Variants in DIS3L observed in about 807,000 individuals in gnomAD.
DIS3L encodes DIS3-like exonuclease 1.
A neutral mutation model predicts 120.3 loss-of-function variants in DIS3L; 100 were observed. That is an observed-to-expected ratio of 0.83 (90% CI 0.71 to 0.98). DIS3L has a LOEUF of 0.98. Ranked by LOEUF, DIS3L falls within the 50% of genes least tolerant of loss-of-function variation. DIS3L has a pLI of 0.00. For missense variants in DIS3L, 1,196 were observed against 1,314.2 expected (o/e 0.91, Z 1.39); for synonymous variants, 426 against 470.6 (o/e 0.91, Z 1.23).
intron 12 of DIS3L, among the ~76,000 whole-genome samples, chr15:66,327,960 G>A (rs1159710330): frequency 2.0e-5 from 3 of 152,156 alleles, no homozygotes; most frequent in East Asian, 1.9e-4. Context: ...GCTGAGGTGC[G>A]AGAATCGCTT....
chr15:66,294,357 C>T (rs2092561717), intron 1 of DIS3L: 3 of 985,506 alleles, frequency 3.0e-6, no homozygotes, highest in Non-Finnish European at 3.6e-6. Flanking sequence ...GAACGATGCA[C>T]GTTACTGGCT....
chr15:66,303,591 T>A (rs1278013630), intron 2 of DIS3L, among the ~76,000 whole-genome samples: 3 of 152,154 alleles, frequency 2.0e-5, no homozygotes, highest in Non-Finnish European at 4.4e-5. Flanking sequence ...CAAAATATGA[T>A]GGTAGGTAAA....
intron 11 of DIS3L, among the ~76,000 whole-genome samples, chr15:66,324,024 A>C (rs1163691710): frequency 6.6e-6 from 1 of 152,182 alleles, no homozygotes; most frequent in South Asian, 2.1e-4. Flanking sequence ...GCCCGAACTC[A>C]TATGTCCCAA....
chr15:66,315,240 G>A (rs577974782), intron 7 of DIS3L, 25 bp downstream of exon 7: 45 of 1,557,392 alleles, frequency 2.9e-5, no homozygotes, highest in African/African-American at 2.0e-4. Flanking sequence ...GAGCCACTCC[G>A]ATGTCCATTT....
At chr15:66,313,521 G>A (rs2092783719) in intron 5 of DIS3L, among the ~76,000 whole-genome samples, 1 of 151,976 alleles carries the variant, frequency 6.6e-6, no homozygotes, top group African/African-American at 2.4e-5. Flanking sequence ...ACAAGGTCAT[G>A]AGTTCAAGAC....
intron 3 of DIS3L, 127 bp from the exon 4 acceptor site, chr15:66,308,582 G>A: frequency 8.0e-7 from 1 of 1,249,728 alleles, no homozygotes; most frequent in Non-Finnish European, 1.1e-6. Flanking sequence ...TACTCCAGAA[G>A]TATTTGTTGA....
chr15:66,308,890 G>C, intron 4 of DIS3L, 46 bp downstream of exon 4: 1 of 1,575,366 alleles, frequency 6.3e-7, no homozygotes, highest in Non-Finnish European at 8.7e-7. Flanking sequence ...TTTCTAAGTA[G>C]TACCCATAAG....
chr15:66,332,146 G>A, intron 15 of DIS3L, 126 bp downstream of exon 15: 2 of 946,418 alleles, frequency 2.1e-6, no homozygotes, highest in Non-Finnish European at 2.9e-6. Context: ...ATAATGTAAT[G>A]TATAATTCAG....
At position 66,293,649 on chromosome 15, in the gene DIS3L, C is replaced by A. The variant is rs1488104328; in HGVS notation, c.53C>A (p.Thr18Lys). Reference protein sequence around the residue: ...VLLLRTFQGRTLRIVREHYLR... With the variant: ...VLLLRTFQGRKLRIVREHYLR... ...CTGCTGAGGACCTTCCAGGGCCGCA[C>A]GCTGCGGATCGTGCGCGAGCACTAC... The change falls in exon 1 of 17, where the codon ACG (threonine) becomes AAG (lysine). Residue 18 changes from threonine to lysine, a missense_variant. Transcript: ENST00000319212. 1.4e-6 allele frequency: 2 copies of A among 1,437,776 alleles called. No individual in the cohort carries two copies. Among genetic ancestry groups the A allele is most frequent in the Admixed American group, 2.5e-5 (1 of 40,146 alleles). 89.1% of individuals were successfully genotyped at this position (1,437,776 alleles called of 1,614,324 possible).
At chr15:66,323,726 C>A in intron 11 of DIS3L, 141 bp downstream of exon 11, 2 of 756,858 alleles carry the variant, frequency 2.6e-6, no homozygotes, top group East Asian at 5.3e-5. Flanking sequence ...AACCTCACCC[C>A]CGACCCCAAC....
At chr15:66,313,989 C>A in intron 5 of DIS3L, 50 bp from the exon 6 acceptor site, 1 of 1,478,810 alleles carries the variant, frequency 6.8e-7, no homozygotes, top group Non-Finnish European at 9.1e-7. Flanking sequence ...GGAGATAAAC[C>A]AGGCGGAAAA....
At position 66,308,748 on chromosome 15, in the gene DIS3L, C is replaced by T; in HGVS notation, c.462C>T (p.Cys154=). 1 of 1,613,146 alleles carries T rather than the reference C, an allele frequency of 6.2e-7. No homozygotes were observed. The highest frequency in any genetic ancestry group is 8.5e-7 in the Non-Finnish European group (1 of 1,179,496). ...YNAAVWYYHH[C]QDRMPIVMVT... ...CAGCTGTTTGGTACTATCATCACTG[C>T]CAGGACAGGATGCCAATTGTTATGG... The change falls in exon 4 of 17, where the codon TGC becomes TGT. Residue 154 remains cysteine, a synonymous_variant. Transcript: ENST00000319212.
At chr15:66,311,992 AG>A in intron 5 of DIS3L, 92 bp downstream of exon 5, 2 of 1,454,042 alleles carry the variant, frequency 1.4e-6, no homozygotes, top group Non-Finnish European at 1.9e-6. Flanking sequence ...AGATTGCTTT[AG>A]CCCAGGAGCT....
chr15:66,295,863 G>A (rs968106689), intron 2 of DIS3L, among the ~76,000 whole-genome samples: 1 of 152,142 alleles, frequency 6.6e-6, no homozygotes, highest in African/African-American at 2.4e-5. Flanking sequence ...AACACTCTAA[G>A]TTATTTAATA....
In DIS3L at chr15:66,294,992, G is replaced by A; in HGVS notation, c.144G>A (p.Gly48=). ...ACATTTTGAATTATGTTTCAGATGG[G>A]AAACTCTTGTCTAGTGATGTGACTC... ...CPQPAACSHD[G]KLLSSDVTHY... is the part of the protein sequence containing the mutation. The change falls in exon 2 of 17, where the codon GGG becomes GGA. Residue 48 remains glycine (G), a synonymous_variant. Coordinates refer to ENST00000319212, the MANE Select transcript of DIS3L (RefSeq NM_001143688.3). 1 of 1,609,744 alleles carries A rather than the reference G, an allele frequency of 6.2e-7. No homozygotes were observed. Among genetic ancestry groups the A allele is most frequent in the Non-Finnish European group, 8.5e-7 (1 of 1,177,606 alleles).
chr15:66,294,113 C>A, intron 1 of DIS3L: 1 of 985,736 alleles, frequency 1.0e-6, no homozygotes. Context: ...CTGGGAGCCC[C>A]CGGGAGCTAC....
At position 66,332,763 on chromosome 15, in the gene DIS3L, A is replaced by C; in HGVS notation, c.2709A>C (p.Leu903=). The C allele has an allele frequency of 6.2e-7, 1 of 1,613,016 alleles. No homozygotes were observed. Among genetic ancestry groups the C allele is most frequent in the East Asian group, 2.2e-5 (1 of 44,848 alleles). ...TTGGGATTAAAGGTGCTGCTTATCTAAAAAATAAAGATGGTTTAGTCATCT... is the reference window on the plus strand; with the variant it reads ...TTGGGATTAAAGGTGCTGCTTATCTCAAAAATAAAGATGGTTTAGTCATCT... ...PRFGIKGAAY[L]KNKDGLVISC... The change falls in exon 16 of 17, where the codon CTA becomes CTC. Residue 903 remains leucine (L), a synonymous_variant. Coordinates refer to ENST00000319212, the MANE Select transcript of DIS3L (RefSeq NM_001143688.3).
At chr15:66,295,859 C>A (rs1205535758) in intron 2 of DIS3L, among the ~76,000 whole-genome samples, 1 of 152,210 alleles carries the variant, frequency 6.6e-6, no homozygotes, top group Non-Finnish European at 1.5e-5. Context: ...TTTTAACACT[C>A]TAAGTTATTT....
intron 1 of DIS3L, 62 bp from the exon 2 acceptor site, chr15:66,294,926 C>T (rs974549387): frequency 1.4e-6 from 2 of 1,477,714 alleles, no homozygotes; most frequent in Non-Finnish European, 1.8e-6. Context: ...AGCACCGTGA[C>T]ATTTAAATAA....
Sources: gnomAD v4.1 joint callset for allele counts (sites outside exome capture counted in the v4.1 genomes callset) on GRCh38, gnomAD v4.1.1 for gene constraint, MANE v1.5 for transcripts, NCBI Gene and HGNC (gene_info 2026-07-23, HGNC 2026-07-21) for gene names.